ZNF141: variants seen among roughly 807,000 people sequenced by gnomAD.
The protein encoded by ZNF141 is zinc finger protein 141 (clone pHZ-44).
ZNF141 carries 7 observed loss-of-function variants against 11.3 expected under a neutral mutation model. That is an observed-to-expected ratio of 0.62 (90% CI 0.35 to 1.16). The LOEUF (loss-of-function observed/expected upper bound fraction) is 1.16. ZNF141 is among the 50% of genes most tolerant of loss of function. The pLI is 0.02. For missense variants in ZNF141, 535 were observed against 554.0 expected (o/e 0.97, Z 0.34); for synonymous variants, 183 against 190.7 (o/e 0.96, Z 0.33).
chr4:351,463 T>G (rs56905415), intron 3 of ZNF141, among the ~76,000 whole-genome samples: 1 of 151,788 alleles, frequency 6.6e-6, no homozygotes, highest in African/African-American at 2.4e-5. Flanking sequence ...CCTGACCTCA[T>G]GATCCGCCCC....
rs782738825 is a variant in ZNF141, at chr4:377,949, G to C, written c.*4087G>C. 6.6e-6 allele frequency: 1 copy of C among 152,124 alleles called. No homozygotes were observed. The highest frequency in any genetic ancestry group is 1.5e-5 in the Non-Finnish European group (1 of 68,042). 9.4% of individuals were successfully genotyped at this position (152,124 alleles called of 1,614,324 possible). A position where few individuals can be genotyped will look rare whatever the true frequency, so the allele number is the denominator to read the frequency against. ...TGGGAGGCCGAGATGGGTGGGTCAT[G>C]AAGTCAAGAGAGCAAGATCATCCTG... On this transcript the variant is annotated 3_prime_UTR_variant, in exon 4 of 4. Transcript: ENST00000240499.
chr4:360,112 C>T (rs1553851922), intron 3 of ZNF141, among the ~76,000 whole-genome samples: 1 of 152,182 alleles, frequency 6.6e-6, no homozygotes, highest in Non-Finnish European at 1.5e-5. Flanking sequence ...CTCAATACAG[C>T]CCTCCTCAGT....
At position 382,995 on chromosome 4, in the gene ZNF141, TCC is replaced by T; in HGVS notation, c.*9135_*9136del. On this transcript the variant is annotated 3_prime_UTR_variant, in exon 4 of 4. Coordinates refer to ENST00000240499, the MANE Select transcript of ZNF141 (RefSeq NM_003441.4). ...TTCCTATCAAGAGACAGATTCTGTT[TCC>T]CAAACCTTGAACTTCTCTTGACTTA... The T allele has an allele frequency of 1.9e-6, 1 of 522,854 alleles. No homozygotes were observed. Among genetic ancestry groups the T allele is most frequent in the Non-Finnish European group, 3.4e-6 (1 of 295,744 alleles). The allele number at this position is 522,854 out of a possible 1,614,324, so 32.4% of individuals were successfully genotyped here. A position where few individuals can be genotyped will look rare whatever the true frequency, so the allele number is the denominator to read the frequency against.
rs1358907981 is a variant in ZNF141 at position 376,931 on chromosome 4, AT to A, written c.*3072del. On this transcript the variant is annotated 3_prime_UTR_variant, in exon 4 of 4. Transcript: ENST00000240499. ...GTCTGGTGCTCATGCTAGAGCTATA[AT>A]TTCTTTGATTCTCTTTTTTGTTTTC... 1.1e-4 allele frequency among the ~76,000 whole-genome samples: 16 copies of A among 152,116 alleles called. No homozygotes were observed. The highest frequency in any genetic ancestry group is 3.9e-4 in the African/African-American group (16 of 41,434).
At position 380,624 on chromosome 4, in the gene ZNF141, C is replaced by T. The variant is rs1453458528; in HGVS notation, c.*6762C>T. ...CCAAGATCATGCCATTGCACTCCAG[C>T]CTGGGTGACAAGAGCAAAACTCCAT... is the stretch of plus-strand genomic sequence containing the variant. On this transcript the variant is annotated 3_prime_UTR_variant, in exon 4 of 4. Coordinates refer to ENST00000240499, the MANE Select transcript of ZNF141 (RefSeq NM_003441.4). 1.3e-5 allele frequency among the ~76,000 whole-genome samples: 2 copies of T among 149,052 alleles called. No individual in the cohort carries two copies. The highest frequency in any genetic ancestry group is 2.6e-5 in the African/African-American group (1 of 38,784).
chr4:383,683 C>T lies in ZNF141; in HGVS notation c.*9821C>T, dbSNP rs1234522669. The stretch of plus-strand genomic sequence containing the variant: ...AGCAAAGGATCGAAGGCGACTGTCG[C>T]TACAACCCTCCCCCTTGTACCAGTT... On this transcript the variant is annotated 3_prime_UTR_variant, in exon 4 of 4. Coordinates refer to ENST00000240499, the MANE Select transcript of ZNF141 (RefSeq NM_003441.4). 1 of 153,370 alleles carries T rather than the reference C, an allele frequency of 6.5e-6. No individual in the cohort carries two copies. The highest frequency in any genetic ancestry group is 1.5e-5 in the Non-Finnish European group (1 of 68,868). The allele number at this position is 153,370 out of a possible 1,614,324, so 9.5% of individuals were successfully genotyped here.
intron 1 of ZNF141, among the ~76,000 whole-genome samples, chr4:340,649 T>C (rs1721002973): frequency 6.6e-6 from 1 of 152,192 alleles, no homozygotes; most frequent in Admixed American, 6.5e-5. Context: ...GTTTGAGAAA[T>C]ACAAGTTCTT....
intron 3 of ZNF141, chr4:350,266 C>T: frequency 1.9e-6 from 1 of 529,530 alleles, no homozygotes; most frequent in Non-Finnish European, 3.9e-6. Flanking sequence ...AACCCTCGAT[C>T]TCTGGCTCCA....
At chr4:353,239 TG>T (rs1411113987) in intron 3 of ZNF141, among the ~76,000 whole-genome samples, 2 of 151,864 alleles carry the variant, frequency 1.3e-5, no homozygotes, top group Non-Finnish European at 2.9e-5. Context: ...CCAGGCATGG[TG>T]GCACGAACTT....
In ZNF141 at chr4:344,404, T is replaced by TA; in HGVS notation, c.201dup (p.His68ThrfsTer2). ...AGAAAAGAGCCCTACAATGTGAAGATACATAAGATCGTAGCCAGACCCCCA... is the reference window on the plus strand; with the variant it reads ...AGAAAAGAGCCCTACAATGTGAAGATAACATAAGATCGTAGCCAGACCCCCA... On this transcript the variant is annotated frameshift_variant, in exon 3 of 4. Coordinates refer to ENST00000240499, the MANE Select transcript of ZNF141 (RefSeq NM_003441.4). LOFTEE classifies it low-confidence loss of function (END_TRUNC). 2.5e-6 allele frequency: 4 copies of TA among 1,607,288 alleles called. No homozygotes were observed. Among genetic ancestry groups the TA allele is most frequent in the Non-Finnish European group, 3.4e-6 (4 of 1,175,236 alleles).
intron 1 of ZNF141, among the ~76,000 whole-genome samples, chr4:341,355 C>T (rs1560178549): frequency 6.6e-6 from 1 of 152,124 alleles, no homozygotes; most frequent in Non-Finnish European, 1.5e-5. Flanking sequence ...GCCACCGTGC[C>T]CAGCCTGTTT....
intron 1 of ZNF141, among the ~76,000 whole-genome samples, chr4:339,387 C>A (rs1483074868): frequency 1.3e-5 from 2 of 152,228 alleles, no homozygotes; most frequent in Non-Finnish European, 2.9e-5. Context: ...TCCTGCCTTG[C>A]CCCCACTCAA....
intron 3 of ZNF141, among the ~76,000 whole-genome samples, chr4:345,518 C>G (rs1371531808): frequency 6.6e-6 from 1 of 151,980 alleles, no homozygotes; most frequent in East Asian, 1.9e-4. Flanking sequence ...CATCTGAGAT[C>G]GGGAGTACAA....
chr4:381,593 A>G lies in ZNF141; in HGVS notation c.*7731A>G, dbSNP rs1455497848. Among the ~76,000 whole-genome samples, 1 of 151,878 alleles carries G rather than the reference A, an allele frequency of 6.6e-6. No homozygotes were observed. Among genetic ancestry groups the G allele is most frequent in the East Asian group, 1.9e-4 (1 of 5,164 alleles). ...CCTGAAAAATTTTTGTATTTTTAGT[A>G]GAGACGGGGTTTCACCATGTTGGCC... On this transcript the variant is annotated 3_prime_UTR_variant, in exon 4 of 4. Transcript: ENST00000240499.
At chr4:368,322 A>C (rs1553853142) in intron 3 of ZNF141, among the ~76,000 whole-genome samples, 1 of 152,032 alleles carries the variant, frequency 6.6e-6, no homozygotes, top group African/African-American at 2.4e-5. Context: ...GCTCACTGCA[A>C]CCTCCACGTC....
chr4:369,544 A>T (rs1165204898), intron 3 of ZNF141, among the ~76,000 whole-genome samples: 2 of 151,516 alleles, frequency 1.3e-5, no homozygotes, highest in African/African-American at 4.8e-5. Context: ...ATATTTGAAT[A>T]ATTTGCTGAA....
At chr4:341,222 G>A (rs1553848407) in intron 1 of ZNF141, among the ~76,000 whole-genome samples, 3 of 151,858 alleles carry the variant, frequency 2.0e-5, no homozygotes, top group African/African-American at 7.3e-5. Context: ...CACCATGCCC[G>A]GCGGATTTTT....
chr4:356,177 GCC>G (rs1423753167), intron 3 of ZNF141, among the ~76,000 whole-genome samples: 2 of 148,798 alleles, frequency 1.3e-5, no homozygotes, highest in Non-Finnish European at 3.0e-5. Flanking sequence ...GTTGCAGTGA[GCC>G]GAGATCATGC....
At position 376,883 on chromosome 4, in the gene ZNF141, A is replaced by G. The variant is rs1177918913; in HGVS notation, c.*3021A>G. 6.6e-6 allele frequency among the ~76,000 whole-genome samples: 1 copy of G among 152,120 alleles called. No homozygotes were observed. Among genetic ancestry groups the G allele is most frequent in the African/African-American group, 2.4e-5 (1 of 41,440 alleles). On this transcript the variant is annotated 3_prime_UTR_variant, in exon 4 of 4. Coordinates refer to ENST00000240499, the MANE Select transcript of ZNF141 (RefSeq NM_003441.4). ...ATGGATTGTCGTTGAGAATCTCCCCATACAAACTCCTTGTTTTTATTTGTC... is the reference window on the plus strand; with the variant it reads ...ATGGATTGTCGTTGAGAATCTCCCCGTACAAACTCCTTGTTTTTATTTGTC...
Sources: allele counts gnomAD v4.1 joint callset (sites outside exome capture counted in the v4.1 genomes callset), GRCh38; gene constraint gnomAD v4.1.1; transcripts MANE v1.5; gene names NCBI Gene and HGNC (gene_info 2026-07-23, HGNC 2026-07-21).